Variants in PRR5 observed in about 807,000 individuals in gnomAD.
PRR5 encodes proline rich 5.
A neutral mutation model predicts 30.6 loss-of-function variants in PRR5; 25 were observed. The observed-to-expected ratio is 0.82, with a 90% CI of 0.60 to 1.14. The LOEUF (loss-of-function observed/expected upper bound fraction) is 1.14, where lower values mean the gene tolerates loss of function less well. PRR5 is among the 50% of genes most tolerant of loss of function. The pLI is 0.00. For synonymous variants in PRR5, 286 were observed against 247.1 expected (o/e 1.16, Z -1.48); for missense variants, 600 against 547.1 (o/e 1.10, Z -0.96).
intron 1 of PRR5, among the ~76,000 whole-genome samples, chr22:44,702,816 A>C (rs1218661859): frequency 6.6e-6 from 1 of 152,054 alleles, no homozygotes; most frequent in Non-Finnish European, 1.5e-5. Context: ...CAGGGAAGGG[A>C]GCGAGGCCCG....
Position 44,737,010 on chromosome 22 carries a change from C to A in PRR5, c.930C>A (p.Ser310=). ...GQGPTGTFRS[S]PAPHSGPCPS... Reference sequence around the variant, plus strand: ...GCCCCACCGGGACCTTCAGGTCCTCCCCGGCGCCCCACTCAGGGCCCTGCC... The same window carrying A: ...GCCCCACCGGGACCTTCAGGTCCTCACCGGCGCCCCACTCAGGGCCCTGCC... The change falls in exon 8 of 8, where the codon TCC becomes TCA. Residue 310 remains serine, a synonymous_variant. Transcript: ENST00000336985. 1 of 1,600,348 alleles carries A rather than the reference C, an allele frequency of 6.2e-7. No individual in the cohort carries two copies. Among genetic ancestry groups the A allele is most frequent in the East Asian group, 2.3e-5 (1 of 44,440 alleles).
chr22:44,698,791 T>G (rs1011094371), upstream of PRR5, among the ~76,000 whole-genome samples: 1 of 152,214 alleles, frequency 6.6e-6, no homozygotes, highest in African/African-American at 2.4e-5. Flanking sequence ...TTGGTTTATT[T>G]TCCTCCGACG....
chr22:44,705,935 G>A (rs1452844884), intron 1 of PRR5, among the ~76,000 whole-genome samples: 1 of 152,096 alleles, frequency 6.6e-6, no homozygotes, highest in African/African-American at 2.4e-5. Context: ...GGGATTGTAG[G>A]CGCCCACTAC....
In PRR5 at chr22:44,702,501, C is replaced by A. The variant is rs1926483505; in HGVS notation, c.27C>A (p.Phe9Leu). MRTLRRLKFMSSPSLSDLG... is the reference protein window; with the variant it reads MRTLRRLKLMSSPSLSDLG... ...TGAGGACTCTCCGCAGGTTGAAGTT[C>A]ATGAGTTCGCCCAGCCTCAGTGACC... The change falls in exon 1 of 8, where the codon TTC becomes TTA. Residue 9 changes from phenylalanine (F) to leucine (L), a missense_variant. Coordinates refer to ENST00000336985, the MANE Select transcript of PRR5 (RefSeq NM_181333.4). 2 of 1,469,324 alleles carry A rather than the reference C, an allele frequency of 1.4e-6. No individual in the cohort carries two copies. The highest frequency in any genetic ancestry group is 9.0e-7 in the Non-Finnish European group (1 of 1,108,414). 91.0% of individuals were successfully genotyped at this position (1,469,324 alleles called of 1,614,324 possible). A position where few individuals can be genotyped will look rare whatever the true frequency, so the allele number is the denominator to read the frequency against.
At chr22:44,675,156 A>G (rs976002445), upstream of PRR5, among the ~76,000 whole-genome samples, 2 of 151,036 alleles carry the variant, frequency 1.3e-5, no homozygotes, top group Non-Finnish European at 2.9e-5. Flanking sequence ...AGGCTGAGGC[A>G]GGAGAATGGC....
chr22:44,727,614 G>C (rs1921084752), intron 4 of PRR5, among the ~76,000 whole-genome samples: 1 of 152,206 alleles, frequency 6.6e-6, no homozygotes, highest in Non-Finnish European at 1.5e-5. Context: ...GGCAAGGCCA[G>C]GGTGCCAAGC....
upstream of PRR5, among the ~76,000 whole-genome samples, chr22:44,674,938 G>A (rs533144921): frequency 1.8e-3 from 226 of 125,988 alleles, 7 homozygotes; most frequent in South Asian, 0.057. Flanking sequence ...AGAGCAAGAC[G>A]CTGTCTCAAA....
intron 2 of PRR5, among the ~76,000 whole-genome samples, chr22:44,716,652 A>T (rs1929097353): frequency 6.6e-6 from 1 of 152,202 alleles, no homozygotes; most frequent in Non-Finnish European, 1.5e-5. Flanking sequence ...GGGTTGCTTG[A>T]GGTCACAGGG....
chr22:44,690,267 G>T (rs939687813), intron 1 of PRR5, among the ~76,000 whole-genome samples: 7 of 152,190 alleles, frequency 4.6e-5, no homozygotes, highest in Non-Finnish European at 1.0e-4. Context: ...AATGTCCACT[G>T]GGTGTTGACC....
At chr22:44,697,916 C>T (rs1401909347), upstream of PRR5, among the ~76,000 whole-genome samples, 2 of 152,212 alleles carry the variant, frequency 1.3e-5, no homozygotes, top group Non-Finnish European at 2.9e-5. Flanking sequence ...CCTCCCTGGG[C>T]CCCAAACTGG....
upstream of PRR5, among the ~76,000 whole-genome samples, chr22:44,676,390 C>CAAAAAAAAAAAAAAAAA (rs59016907): frequency 5.4e-5 from 2 of 37,070 alleles, no homozygotes; most frequent in Non-Finnish European, 1.2e-4. Flanking sequence ...GACCCTGTCT[C>CAAAAAAAAAAAAAAAAA]AAAAAAAAAA....
intron 3 of PRR5, among the ~76,000 whole-genome samples, chr22:44,725,991 A>G (rs1164825963): frequency 6.6e-6 from 1 of 152,214 alleles, no homozygotes; most frequent in Admixed American, 6.5e-5. Flanking sequence ...TATTGGTGGC[A>G]TAACACGGCC....
intron 1 of PRR5, among the ~76,000 whole-genome samples, chr22:44,713,039 G>T (rs754772868): frequency 4.6e-5 from 7 of 152,188 alleles, no homozygotes; most frequent in Non-Finnish European, 8.8e-5. Context: ...TTGCTACTAA[G>T]ACCCAGAGAT....
chr22:44,701,669 A>G (rs1235462415), upstream of PRR5, among the ~76,000 whole-genome samples: 1 of 152,234 alleles, frequency 6.6e-6, no homozygotes, highest in African/African-American at 2.4e-5. Context: ...TCCTCCAGGC[A>G]GCCAGGCAAT....
chr22:44,680,978 CT>C (rs1309613884), intron 1 of PRR5, among the ~76,000 whole-genome samples: 1 of 152,234 alleles, frequency 6.6e-6, no homozygotes, highest in Non-Finnish European at 1.5e-5. Context: ...GCAGCTCTCA[CT>C]GGACCCTGGC....
intron 1 of PRR5, among the ~76,000 whole-genome samples, chr22:44,709,855 AAAAC>A (rs1016274487): frequency 3.8e-4 from 58 of 152,302 alleles, no homozygotes; most frequent in African/African-American, 1.4e-3. Flanking sequence ...CCATCTCAAA[AAAAC>A]AAACAGAGAA....
At chr22:44,721,650 A>C (rs1293856432) in intron 2 of PRR5, among the ~76,000 whole-genome samples, 1 of 152,192 alleles carries the variant, frequency 6.6e-6, no homozygotes, top group African/African-American at 2.4e-5. Context: ...CTAGGAAGTC[A>C]GTGTGAATTG....
chr22:44,736,949 C>T lies in PRR5; in HGVS notation c.869C>T (p.Pro290Leu), dbSNP rs1410601340. ...RHSVSEMTSCPEPQGFSDPPG... is the reference protein window; with the variant it reads ...RHSVSEMTSCLEPQGFSDPPG... ...TCTGTGTCGGAGATGACGTCCTGCC[C>T]CGAGCCTCAGGGCTTCTCCGACCCG... The change falls in exon 8 of 8, where the codon CCC becomes CTC. Residue 290 changes from proline (P) to leucine (L), a missense_variant. Physicochemically the swap from Pro to Leu is moderately conservative, Grantham distance 98 (BLOSUM62 -3). Transcript: ENST00000336985. 1.2e-6 allele frequency: 2 copies of T among 1,605,360 alleles called. No homozygotes were observed. The highest frequency in any genetic ancestry group is 2.7e-5 in the African/African-American group (2 of 74,850).
At chr22:44,674,774 G>A (rs1418698318), upstream of PRR5, among the ~76,000 whole-genome samples, 6 of 151,250 alleles carry the variant, frequency 4.0e-5, no homozygotes, top group South Asian at 2.1e-4. Flanking sequence ...GTGAAACCTA[G>A]TCTCTACTAG....
Sources: allele counts gnomAD v4.1 joint callset (sites outside exome capture counted in the v4.1 genomes callset), GRCh38; gene constraint gnomAD v4.1.1; transcripts MANE v1.5; gene names NCBI Gene and HGNC (gene_info 2026-07-23, HGNC 2026-07-21).